The following HMSD variants were observed in gnomAD, a reference collection of about 807,000 sequenced individuals.
The protein encoded by HMSD is serpin-like protein HMSD.
A neutral mutation model predicts 10.0 loss-of-function variants in HMSD; 13 were observed. The observed-to-expected ratio is 1.31, with a 90% CI of 0.85 to 2.08. HMSD has a LOEUF of 2.08. Ranked by LOEUF, HMSD falls within the 30% of genes most tolerant of loss-of-function variation. The pLI, the probability that HMSD is intolerant of heterozygous loss-of-function variation, is 0.00. For synonymous variants in HMSD, 51 were observed against 54.2 expected, an observed-to-expected ratio of 0.94 and a Z score of 0.26; for missense variants, 169 against 166.3, an observed-to-expected ratio of 1.02 and a Z score of -0.09.
At chr18:63,950,244 A>T (rs1323054796) in intron 1 of HMSD, among the ~76,000 whole-genome samples, 1 of 151,802 alleles carries the variant, frequency 6.6e-6, no homozygotes, top group East Asian at 1.9e-4. Flanking sequence ...GGTGAAACCC[A>T]GTCTCTACTA....
chr18:63,954,574 T>C lies in HMSD; in HGVS notation c.222+17T>C, dbSNP rs888390104. ...TTCCTCACAGTAAGTCATACTTGTT[T>C]ATTAGGAAAATAAAGATAGCAATGT... On this transcript the variant is annotated intron_variant, in intron 3 of 3. Transcript: ENST00000408945. 6.3e-7 allele frequency: 1 copy of C among 1,598,588 alleles called. No homozygotes were observed. Among genetic ancestry groups the C allele is most frequent in the Admixed American group, 1.7e-5 (1 of 58,686 alleles).
chr18:63,950,499 C>T (rs1035854178), intron 1 of HMSD, among the ~76,000 whole-genome samples: 1 of 145,724 alleles, frequency 6.9e-6, no homozygotes, highest in African/African-American at 2.6e-5. Context: ...ACAAGAAATG[C>T]TGTGTGATGA....
Position 63,960,577 on chromosome 18 carries a change from G to C in HMSD, c.*222G>C. ...TAAAATTTGAATTTAAAAATTTCTA[G>C]CTGTCTCCCTCACTGGTATTGCCAT... On this transcript the variant is annotated 3_prime_UTR_variant, in exon 4 of 4. Coordinates refer to ENST00000408945, the MANE Select transcript of HMSD (RefSeq NM_001123366.2). 1.8e-6 allele frequency: 1 copy of C among 552,272 alleles called. No homozygotes were observed. Among genetic ancestry groups the C allele is most frequent in the Non-Finnish European group, 2.8e-6 (1 of 358,632 alleles). The allele number at this position is 552,272 out of a possible 1,614,324, so 34.2% of individuals were successfully genotyped here.
chr18:63,967,621 A>C (rs1197828901), intron 3 of HMSD, among the ~76,000 whole-genome samples: 3 of 152,180 alleles, frequency 2.0e-5, no homozygotes, highest in Non-Finnish European at 4.4e-5. Context: ...TGAGGTCCAC[A>C]AAGTCAGGAG....
At chr18:63,959,374 CTG>C (rs1465486791) in intron 3 of HMSD, among the ~76,000 whole-genome samples, 1 of 152,164 alleles carries the variant, frequency 6.6e-6, no homozygotes, top group African/African-American at 2.4e-5. Flanking sequence ...TTAGTTCAAA[CTG>C]TTTTTAATAT....
At chr18:63,961,918 A>G (rs987922067), downstream of HMSD, 1 of 152,218 alleles carries the variant, frequency 6.6e-6, no homozygotes, top group Non-Finnish European at 1.5e-5. Context: ...CAAGGTGAAT[A>G]TGAGACAATC....
intron 2 of HMSD, among the ~76,000 whole-genome samples, 187 bp downstream of exon 2, chr18:63,953,714 T>A (rs970739063): frequency 1.3e-5 from 2 of 152,148 alleles, no homozygotes; most frequent in African/African-American, 4.8e-5. Flanking sequence ...TGACCTGGGG[T>A]CACTCATGTG....
chr18:63,960,033 T>G (rs779840921), intron 3 of HMSD, 125 bp from the exon 4 acceptor site: 1 of 1,029,058 alleles, frequency 9.7e-7, no homozygotes, highest in Non-Finnish European at 1.4e-6. Context: ...TTCCTCATCT[T>G]TATTTGCAAA....
At chr18:63,963,207 C>CCTTCCTTCCTTCCTTG (rs1568261499), downstream of HMSD, among the ~76,000 whole-genome samples, 5 of 130,562 alleles carry the variant, frequency 3.8e-5, no homozygotes, top group African/African-American at 1.7e-4. Context: ...TTCCTTGCTT[C>CCTTCCTTCCTTCCTTG]CTTCCTTCCT....
intron 3 of HMSD, among the ~76,000 whole-genome samples, chr18:63,954,985 C>A (rs562891581): frequency 5.3e-5 from 8 of 152,224 alleles, no homozygotes; most frequent in African/African-American, 1.9e-4. Context: ...TGGTTGCATT[C>A]GCTGACAATG....
In HMSD at chr18:63,960,084, G is replaced by A. The variant is rs577020675; in HGVS notation, c.223-74G>A. ...CATAAAATTATTGATTTTCTGATGT[G>A]GCACAATGAAGAAGTAAGCCAGTGA... On this transcript the variant is annotated intron_variant, in intron 3 of 3. Transcript: ENST00000408945. The A allele has an allele frequency of 4.5e-6, 6 of 1,330,646 alleles. No homozygotes were observed. In the Admixed American group the frequency reaches 1.1e-4, roughly 24 times the overall value. The allele number at this position is 1,330,646 out of a possible 1,614,324, so 82.4% of individuals were successfully genotyped here.
chr18:63,953,201 T>A (rs2050340070), intron 1 of HMSD, among the ~76,000 whole-genome samples, 153 bp from the exon 2 acceptor site: 1 of 152,222 alleles, frequency 6.6e-6, no homozygotes, highest in African/African-American at 2.4e-5. Flanking sequence ...TTAAATGACA[T>A]CTTGTAAGAA....
At chr18:63,962,934 C>G (rs1486831099), downstream of HMSD, among the ~76,000 whole-genome samples, 1 of 152,066 alleles carries the variant, frequency 6.6e-6, no homozygotes, top group Non-Finnish European at 1.5e-5. Flanking sequence ...TGATCTGATA[C>G]TCACAGATCA....
chr18:63,953,239 A>G (rs916154017), intron 1 of HMSD, 115 bp from the exon 2 acceptor site: 1 of 482,602 alleles, frequency 2.1e-6, no homozygotes, highest in African/African-American at 2.0e-5. Flanking sequence ...TTGTGTGTGT[A>G]CCTATTTGTT....
At chr18:63,968,904 G>C (rs2050426103) in intron 3 of HMSD, 1 of 152,154 alleles carries the variant, frequency 6.6e-6, no homozygotes, top group Admixed American at 6.5e-5. Flanking sequence ...GAGTTCTTGG[G>C]AACAGTTACT....
intron 3 of HMSD, among the ~76,000 whole-genome samples, chr18:63,954,760 G>T (rs2050349558): frequency 6.6e-6 from 1 of 152,202 alleles, no homozygotes; most frequent in Admixed American, 6.5e-5. Context: ...AAGCTTTAAT[G>T]AGATAATCTT....
chr18:63,960,262 T>G lies in HMSD; in HGVS notation c.327T>G (p.Ala109=). ...CAACACGTGTAAACTCCTGGGTTGC[T>G]GATAAAACTAAAGGTGAAAATATAT... ...KSTTRVNSWV[A]DKTKGENILL... is the part of the protein sequence containing the mutation. Residue 109 remains alanine, a synonymous_variant, in exon 4 of 4, where the codon GCT becomes GCG. Transcript: ENST00000408945. 6.2e-7 allele frequency: 1 copy of G among 1,613,318 alleles called. No individual in the cohort carries two copies. Among genetic ancestry groups the G allele is most frequent in the South Asian group, 1.1e-5 (1 of 90,780 alleles).
intron 1 of HMSD, among the ~76,000 whole-genome samples, chr18:63,952,142 G>A (rs1371138108): frequency 8.2e-6 from 1 of 122,248 alleles, no homozygotes; most frequent in African/African-American, 3.1e-5. Context: ...ACTGTGGTGG[G>A]GTGGGGGGAG....
Position 63,960,649 on chromosome 18 carries a change from A to G in HMSD, c.*294A>G. The G allele has an allele frequency of 3.3e-6, 1 of 302,066 alleles. No homozygotes were observed. The highest frequency in any genetic ancestry group is 6.2e-6 in the Non-Finnish European group (1 of 161,504). The allele number at this position is 302,066 out of a possible 1,614,324, so 18.7% of individuals were successfully genotyped here. A position where few individuals can be genotyped will look rare whatever the true frequency, so the allele number is the denominator to read the frequency against. ...AAATGCAACTGCTGTGATCAGTGAT[A>G]AGGGAACACACTGATGATTTAGATT... On this transcript the variant is annotated 3_prime_UTR_variant, in exon 4 of 4. Transcript: ENST00000408945.
Sources: gnomAD v4.1 joint callset for allele counts (sites outside exome capture counted in the v4.1 genomes callset) on GRCh38, gnomAD v4.1.1 for gene constraint, MANE v1.5 for transcripts, NCBI Gene and HGNC (gene_info 2026-07-23, HGNC 2026-07-21) for gene names.